Variants in SMIM36 observed in about 807,000 individuals in gnomAD.
SMIM36 encodes small integral membrane protein 36.
intron 3 of SMIM36, among the ~76,000 whole-genome samples, chr17:55,471,718 C>T (rs1909344112): frequency 1.3e-5 from 2 of 152,214 alleles, no homozygotes; most frequent in East Asian, 3.8e-4. Context: ...GACTCCTTGA[C>T]TCATCCCATC....
At position 55,465,515 on chromosome 17, in the gene SMIM36, C is replaced by G. The variant is rs150695928; in HGVS notation, c.*531+1630G>C. Among the ~76,000 whole-genome samples the G allele has an allele frequency of 2.1e-3, 313 of 152,146 alleles. 2 individuals carry two copies. The highest frequency in any genetic ancestry group is 7.2e-3 in the African/African-American group (300 of 41,504). On this transcript the variant is annotated intron_variant, in intron 4 of 4. Coordinates refer to ENST00000636752, the Ensembl canonical transcript of SMIM36. ...CTATCTTTAGATATTTGAACAATTG[C>G]TGTTGGAGGAGTTATTGTGCTTATG... is the stretch of plus-strand genomic sequence containing the variant.
At chr17:55,485,309 A>G (rs962971050) in intron 1 of SMIM36, among the ~76,000 whole-genome samples, 40 of 152,028 alleles carry the variant, frequency 2.6e-4, no homozygotes, top group Middle Eastern at 3.4e-3. Flanking sequence ...GTTTTGAGAC[A>G]AGGTTTTCTT....
chr17:55,531,384 T>C, the SMIM36 span, among the ~76,000 whole-genome samples: 36 of 152,232 alleles, frequency 2.4e-4, no homozygotes, highest in Non-Finnish European at 4.7e-4. Context: ...AGGCTTTTGA[T>C]AACCTCCTTA....
chr17:55,501,883 G>A (rs992374910), intron 1 of SMIM36, among the ~76,000 whole-genome samples: 3 of 96,240 alleles, frequency 3.1e-5, no homozygotes, highest in African/African-American at 1.2e-4. Context: ...CACAGTGCGC[G>A]AGCCGAAGCA....
At chr17:55,496,749 A>C (rs1347911614) in intron 1 of SMIM36, among the ~76,000 whole-genome samples, 1 of 152,212 alleles carries the variant, frequency 6.6e-6, no homozygotes, top group Non-Finnish European at 1.5e-5. Context: ...GACAGATCTC[A>C]AAAGTGTGAC....
intron 1 of SMIM36, among the ~76,000 whole-genome samples, chr17:55,482,183 G>T (rs1909532063): frequency 6.6e-6 from 1 of 152,178 alleles, no homozygotes; most frequent in Admixed American, 6.5e-5. Flanking sequence ...AAATTGCAGA[G>T]AAAGAAGTTA....
At chr17:55,463,589 T>C (rs1260838374) in intron 4 of SMIM36, among the ~76,000 whole-genome samples, 2 of 152,086 alleles carry the variant, frequency 1.3e-5, no homozygotes, top group Admixed American at 6.5e-5. Flanking sequence ...TAATGAAAGT[T>C]ACGTAAATGT....
intron 1 of SMIM36, among the ~76,000 whole-genome samples, chr17:55,500,319 CTTGCTATG>C (rs1332864090): frequency 6.6e-6 from 1 of 151,982 alleles, no homozygotes; most frequent in African/African-American, 2.4e-5. Flanking sequence ...GAGACGGGCT[CTTGCTATG>C]TTGCCCAGGC....
intron 1 of SMIM36, among the ~76,000 whole-genome samples, chr17:55,480,551 A>T (rs984595495): frequency 6.6e-6 from 1 of 151,992 alleles, no homozygotes; most frequent in East Asian, 1.9e-4. Context: ...TTTTGGGGGG[A>T]TGCATTGACT....
At chr17:55,498,237 C>T (rs7213282) in intron 1 of SMIM36, among the ~76,000 whole-genome samples, 51,394 of 152,032 alleles carry the variant, frequency 0.34, 10,138 homozygotes, top group Non-Finnish European at 0.44. Flanking sequence ...ACTAATTATA[C>T]CGGTAATGAC....
At chr17:55,529,852 C>T in the SMIM36 span, among the ~76,000 whole-genome samples, 1 of 152,100 alleles carries the variant, frequency 6.6e-6, no homozygotes, top group Non-Finnish European at 1.5e-5. Context: ...CCTAACTTTT[C>T]CTTCTCAATA....
Position 55,475,050 on chromosome 17 carries a change from C to T in SMIM36, c.*347+3712G>A, listed in dbSNP as rs139694038. The stretch of plus-strand genomic sequence containing the variant: ...ATTCTTGGTTACAGCTAGTTTTGGA[C>T]CCCCCACAGTGTTTAAGAGGACAGG... On this transcript the variant is annotated intron_variant, in intron 3 of 4. Coordinates refer to ENST00000636752, the Ensembl canonical transcript of SMIM36. Among the ~76,000 whole-genome samples, 27 of 152,112 alleles carry T rather than the reference C, an allele frequency of 1.8e-4. No homozygotes were observed. In the East Asian group the frequency reaches 4.1e-3, roughly 23 times the overall value.
intron 3 of SMIM36, among the ~76,000 whole-genome samples, chr17:55,467,592 T>C (rs543770619): frequency 1.3e-3 from 202 of 152,246 alleles, no homozygotes; most frequent in African/African-American, 4.6e-3. Flanking sequence ...GAGACGGGGT[T>C]TCACTGTGTT....
At chr17:55,472,537 T>C (rs962902755) in intron 3 of SMIM36, among the ~76,000 whole-genome samples, 2 of 152,134 alleles carry the variant, frequency 1.3e-5, no homozygotes, top group African/African-American at 4.8e-5. Flanking sequence ...AGTCATTCAT[T>C]GTAAAGGACA....
chr17:55,530,281 C>T, the SMIM36 span, among the ~76,000 whole-genome samples: 3 of 152,130 alleles, frequency 2.0e-5, no homozygotes, highest in Non-Finnish European at 4.4e-5. Flanking sequence ...ATCAATCCAG[C>T]CCAGGGATGT....
chr17:55,470,766 C>T (rs959737282), intron 3 of SMIM36, among the ~76,000 whole-genome samples: 2 of 152,074 alleles, frequency 1.3e-5, no homozygotes, highest in Non-Finnish European at 2.9e-5. Context: ...TCCTTGGTGA[C>T]CGATCATGCA....
At chr17:55,488,897 C>CCATCAT (rs59012291) in intron 1 of SMIM36, among the ~76,000 whole-genome samples, 4 of 150,726 alleles carry the variant, frequency 2.7e-5, no homozygotes, top group Non-Finnish European at 5.9e-5. Context: ...TACTCATTTT[C>CCATCAT]CATCATCATC....
chr17:55,492,629 A>T (rs537775427), intron 1 of SMIM36, among the ~76,000 whole-genome samples: 10 of 73,214 alleles, frequency 1.4e-4, no homozygotes, highest in Admixed American at 1.1e-3. Flanking sequence ...ACACCCACTT[A>T]AAAAAAAAAA....
intron 4 of SMIM36, among the ~76,000 whole-genome samples, chr17:55,466,351 A>G (rs935607052): frequency 6.6e-6 from 1 of 151,428 alleles, no homozygotes; most frequent in Non-Finnish European, 1.5e-5. Context: ...GGGAGGCTTC[A>G]AGTTTGGGAG....
Sources: allele counts gnomAD v4.1 joint callset (sites outside exome capture counted in the v4.1 genomes callset), GRCh38; gene constraint gnomAD v4.1.1; transcripts MANE v1.5; gene names NCBI Gene and HGNC (gene_info 2026-07-23, HGNC 2026-07-21).